Variants in ABHD2 observed in about 807,000 individuals in gnomAD.
ABHD2 encodes the protein abhydrolase domain containing 2, acylglycerol lipase.
Under a neutral mutation model 48.1 loss-of-function variants are expected in ABHD2, and 20 were observed. That is an observed-to-expected ratio of 0.42 (90% CI 0.29 to 0.60). ABHD2 has a LOEUF of 0.60. ABHD2 is among the 20% of genes least tolerant of loss of function. The pLI, the probability that ABHD2 is intolerant of heterozygous loss-of-function variation, is 0.24. For synonymous variants in ABHD2, 209 were observed against 214.2 expected (o/e 0.98, Z 0.21); for missense variants, 405 against 550.9 (o/e 0.74, Z 2.65).
At chr15:89,055,323 C>CTTTTTTTTTTTTTTTTTTT in the ABHD2 span, among the ~76,000 whole-genome samples, 1 of 124,796 alleles carries the variant, frequency 8.0e-6, no homozygotes, top group Non-Finnish European at 1.7e-5. Context: ...ACACTAGTTT[C>CTTTTTTTTTTTTTTTTTTT]TTTTTTTTTT....
At chr15:89,044,095 T>C in the ABHD2 span, among the ~76,000 whole-genome samples, 3 of 152,118 alleles carry the variant, frequency 2.0e-5, no homozygotes, top group Non-Finnish European at 4.4e-5. Context: ...GATGTTCCCC[T>C]TCCTGTGTCC....
Position 89,198,592 on chromosome 15 carries a change from A to G in ABHD2, c.*3169A>G, listed in dbSNP as rs997575965. 3.3e-5 allele frequency: 5 copies of G among 152,244 alleles called. No individual in the cohort carries two copies. The highest frequency in any genetic ancestry group is 7.3e-5 in the Non-Finnish European group (5 of 68,048). The allele number at this position is 152,244 out of a possible 1,614,324, so 9.4% of individuals were successfully genotyped here. A position where few individuals can be genotyped will look rare whatever the true frequency, so the allele number is the denominator to read the frequency against. On this transcript the variant is annotated 3_prime_UTR_variant, in exon 11 of 11. Coordinates refer to ENST00000352732, the MANE Select transcript of ABHD2 (RefSeq NM_152924.5). This position sits in a 1 kb window ranked among gnomAD's most constrained non-coding sequence, Gnocchi z 5.1. ...CTTATGATTCACCGTAAGAGTGGAA[A>G]TATACCTGAGTTCGTGTCCTAATGG...
At chr15:89,159,895 C>G (rs1179513845) in intron 5 of ABHD2, among the ~76,000 whole-genome samples, 1 of 152,112 alleles carries the variant, frequency 6.6e-6, no homozygotes, top group Admixed American at 6.5e-5. Flanking sequence ...CTTCTTCTAG[C>G]CATACTATTT....
chr15:89,181,002 C>T (rs373866887), intron 6 of ABHD2, among the ~76,000 whole-genome samples: 48 of 152,090 alleles, frequency 3.2e-4, no homozygotes, highest in East Asian at 1.2e-3. Flanking sequence ...CCAAGGCACG[C>T]GGATCACAAG....
At chr15:89,193,515 G>A (rs1739501342) in intron 10 of ABHD2, 196 bp downstream of exon 10, 10 of 601,894 alleles carry the variant, frequency 1.7e-5, no homozygotes, top group South Asian at 1.6e-4. Context: ...CCTCCCTCGT[G>A]TTCCTCCCAG....
rs757210313 is a variant in ABHD2, at chr15:89,155,427, G to A, written c.431G>A (p.Arg144His). ...AATCACAGCGAGAAGCAATACATCC[G>A]CACTTTCGTTGACTACGCCCAGAAA... is the stretch of plus-strand genomic sequence containing the variant. ...IANHSEKQYI[R>H]TFVDYAQKNG... is the part of the protein sequence containing the mutation. The change falls in exon 5 of 11, where the codon CGC becomes CAC. Residue 144 changes from arginine (R) to histidine (H), a missense_variant. By Grantham distance (29) the Arg-to-His change is conservative. Coordinates refer to ENST00000352732, the MANE Select transcript of ABHD2 (RefSeq NM_152924.5). This position sits in a 1 kb window ranked among gnomAD's most constrained non-coding sequence, Gnocchi z 4.9. 1.9e-6 allele frequency: 3 copies of A among 1,614,100 alleles called. No homozygotes were observed. The highest frequency in any genetic ancestry group is 2.5e-6 in the Non-Finnish European group (3 of 1,180,018).
the ABHD2 span, among the ~76,000 whole-genome samples, chr15:89,046,303 A>G: frequency 3.9e-5 from 6 of 152,264 alleles, no homozygotes; most frequent in East Asian, 1.2e-3. Flanking sequence ...GTTTGCCAGT[A>G]TTTTACTGAG....
chr15:89,075,538 G>C, the ABHD2 span, among the ~76,000 whole-genome samples: 6 of 151,914 alleles, frequency 3.9e-5, no homozygotes, highest in African/African-American at 1.2e-4. This position sits in a 1 kb window ranked among gnomAD's most constrained non-coding sequence, Gnocchi z 4.1. Context: ...AGGAGGGAAG[G>C]CTAGAGAGGG....
At chr15:89,113,989 C>G (rs1427816541) in intron 2 of ABHD2, among the ~76,000 whole-genome samples, 165 bp downstream of exon 2, 1 of 152,174 alleles carries the variant, frequency 6.6e-6, no homozygotes, top group Non-Finnish European at 1.5e-5. Flanking sequence ...GTTCTGTTTC[C>G]AACAAAGGTG....
Position 89,201,868 on chromosome 15 carries a change from A to T in ABHD2, c.*6445A>T. ...GGGCGGGGGACGATGGCGAGAGGGGAGGGGGAGCGAGTTCGCATCTCTCCT... is the reference window on the plus strand; with the variant it reads ...GGGCGGGGGACGATGGCGAGAGGGGTGGGGGAGCGAGTTCGCATCTCTCCT... On this transcript the variant is annotated 3_prime_UTR_variant, in exon 11 of 11. Transcript: ENST00000352732. The T allele has an allele frequency of 1.3e-6, 1 of 742,676 alleles. No homozygotes were observed. The highest frequency in any genetic ancestry group is 2.3e-6 in the Non-Finnish European group (1 of 441,350). 46.0% of individuals were successfully genotyped at this position (742,676 alleles called of 1,614,324 possible). A position where few individuals can be genotyped will look rare whatever the true frequency, so the allele number is the denominator to read the frequency against.
intron 3 of ABHD2, chr15:89,135,782 C>T (rs1260995690): frequency 4.6e-6 from 4 of 862,184 alleles, no homozygotes; most frequent in Admixed American, 1.7e-5. Context: ...CCACATCTCT[C>T]CCAGTTTCTT....
chr15:89,111,399 C>T (rs1351155560), intron 1 of ABHD2, among the ~76,000 whole-genome samples: 1 of 152,216 alleles, frequency 6.6e-6, no homozygotes, highest in Non-Finnish European at 1.5e-5. Context: ...TTCAACTGCT[C>T]ATTCTCTCAT....
intron 5 of ABHD2, among the ~76,000 whole-genome samples, chr15:89,170,008 C>T (rs2050895825): frequency 6.7e-6 from 1 of 148,938 alleles, no homozygotes; most frequent in South Asian, 2.2e-4. Flanking sequence ...GGAGAGGGTG[C>T]CAGCCCCACT....
intron 5 of ABHD2, among the ~76,000 whole-genome samples, chr15:89,171,578 C>T (rs893855532): frequency 1.3e-5 from 2 of 152,090 alleles, no homozygotes; most frequent in Non-Finnish European, 2.9e-5. Context: ...TTGTGTTGAA[C>T]GGCGATGTGC....
intron 10 of ABHD2, among the ~76,000 whole-genome samples, chr15:89,194,555 G>A (rs1266253786): frequency 6.6e-6 from 1 of 152,144 alleles, no homozygotes. Flanking sequence ...GCAGCTTTAA[G>A]GATCTTGAAG....
intron 10 of ABHD2, among the ~76,000 whole-genome samples, chr15:89,194,266 A>C (rs2051356307): frequency 6.6e-6 from 1 of 152,004 alleles, no homozygotes; most frequent in Non-Finnish European, 1.5e-5. Flanking sequence ...TGGGAGGCCG[A>C]GGTAGGCAGA....
chr15:89,187,794 C>G (rs2150947878), intron 7 of ABHD2, among the ~76,000 whole-genome samples: 1 of 152,320 alleles, frequency 6.6e-6, no homozygotes, highest in Non-Finnish European at 1.5e-5. Context: ...CTGAGTCTTC[C>G]TTGTTAAGCA....
intron 1 of ABHD2, among the ~76,000 whole-genome samples, chr15:89,105,891 G>A (rs1040357939): frequency 9.9e-5 from 15 of 151,894 alleles, no homozygotes; most frequent in African/African-American, 3.1e-4. Context: ...CAATAGAGAC[G>A]GAGTTTCTCC....
chr15:89,085,761 T>C (rs576247335), upstream of ABHD2, among the ~76,000 whole-genome samples: 1 of 152,362 alleles, frequency 6.6e-6, no homozygotes, highest in East Asian at 1.9e-4. This position sits in a 1 kb window ranked among gnomAD's most constrained non-coding sequence, Gnocchi z 4.2. Context: ...CAGCTGCTTT[T>C]TGTGGCTCTG....
Sources: allele counts gnomAD v4.1 joint callset (sites outside exome capture counted in the v4.1 genomes callset), GRCh38; gene constraint gnomAD v4.1.1; non-coding constraint Gnocchi (gnomAD v3.1); transcripts MANE v1.5; gene names NCBI Gene and HGNC (gene_info 2026-07-23, HGNC 2026-07-21).